Variants in NTSR2 observed in about 807,000 individuals in gnomAD.
The protein encoded by NTSR2 is neurotensin receptor type 2.
Under a neutral mutation model 24.1 loss-of-function variants are expected in NTSR2, and 22 were observed. That is an observed-to-expected ratio of 0.91 (90% CI 0.65 to 1.30). The LOEUF (loss-of-function observed/expected upper bound fraction) is 1.30. Ranked by LOEUF, NTSR2 falls within the 50% of genes most tolerant of loss-of-function variation. NTSR2 has a pLI of 0.00. For missense variants in NTSR2, 570 were observed against 570.4 expected, an observed-to-expected ratio of 1.00 and a Z score of 0.01; for synonymous variants, 291 against 267.0, an observed-to-expected ratio of 1.09 and a Z score of -0.88.
intron 1 of NTSR2, 48 bp downstream of exon 1, chr2:11,669,458 C>CCGGGGGGGGGGGGGGGGGGGGGGG: frequency 3.1e-6 from 1 of 323,366 alleles, no homozygotes; most frequent in Non-Finnish European, 5.5e-6. Context: ...CCTCCCAGCA[C>CCGGGGGGGGGGGGGGGGGGGGGGG]CGCCCCCCCA....
chr2:11,664,287 T>C (rs1661146704), intron 1 of NTSR2, among the ~76,000 whole-genome samples: 1 of 152,112 alleles, frequency 6.6e-6, no homozygotes, highest in Non-Finnish European at 1.5e-5. Flanking sequence ...TGGCTAATTT[T>C]TGTATTTTGT....
In NTSR2 at chr2:11,669,669, C is replaced by A; in HGVS notation, c.461G>T (p.Trp154Leu). 6.5e-7 allele frequency: 1 copy of A among 1,542,756 alleles called. No individual in the cohort carries two copies. Among genetic ancestry groups the A allele is most frequent in the Admixed American group, 1.9e-5 (1 of 52,468 alleles). ...RSLLTPRRTRWLVALSWAASL... is the reference protein window; with the variant it reads ...RSLLTPRRTRLLVALSWAASL... ...GGCGGCCCACGAGAGCGCCACCAGC[C>A]ACCGGGTCCGGCGTGGCGTCAGCAG... Residue 154 changes from tryptophan (W) to leucine (L), a missense_variant, in exon 1 of 4, where the codon TGG becomes TTG. Trp to Leu is a moderately conservative substitution (Grantham distance 61). Transcript: ENST00000306928.
In NTSR2 at chr2:11,669,942, C is replaced by A; in HGVS notation, c.188G>T (p.Gly63Val). 6.6e-7 allele frequency: 1 copy of A among 1,512,988 alleles called. No individual in the cohort carries two copies. The highest frequency in any genetic ancestry group is 2.2e-5 in the Admixed American group (1 of 45,958). 93.7% of individuals were successfully genotyped at this position (1,512,988 alleles called of 1,614,324 possible). Residue 63 changes from glycine to valine, a missense_variant, in exon 1 of 4, where the codon GGG becomes GTG. Coordinates refer to ENST00000306928, the MANE Select transcript of NTSR2 (RefSeq NM_012344.4). ...GTGGTGGCGCAGGCGCCCCGCGCGC[C>A]CGGCCCGCGCCTTCAGCACCACGTG... is the stretch of plus-strand genomic sequence containing the variant. ...SAHVVLKARA[G>V]RAGRLRHHVL...
chr2:11,669,448 C>T, intron 1 of NTSR2, 58 bp downstream of exon 1: 2 of 413,254 alleles, frequency 4.8e-6, no homozygotes. Flanking sequence ...GGGGTTCCCT[C>T]CTCCCAGCAC....
Position 11,658,210 on chromosome 2 carries a change from AC to A in NTSR2, c.*268del, listed in dbSNP as rs1660965576. ...AGCAAAAATTTATTGAGCATCTACT[AC>A]GCACCAGGTTCTGTGCTAAGCACTT... On this transcript the variant is annotated 3_prime_UTR_variant, in exon 4 of 4. Coordinates refer to ENST00000306928, the MANE Select transcript of NTSR2 (RefSeq NM_012344.4). 5.6e-6 allele frequency: 2 copies of A among 356,854 alleles called. No individual in the cohort carries two copies. The highest frequency in any genetic ancestry group is 1.0e-5 in the Non-Finnish European group (2 of 199,068). The allele number at this position is 356,854 out of a possible 1,614,324, so 22.1% of individuals were successfully genotyped here.
At chr2:11,667,396 G>C (rs560181397) in intron 1 of NTSR2, among the ~76,000 whole-genome samples, 7 of 152,050 alleles carry the variant, frequency 4.6e-5, no homozygotes, top group African/African-American at 1.7e-4. Context: ...ACCCCCGCTG[G>C]AGTGCAGTGA....
chr2:11,669,441 G>T lies in NTSR2; in HGVS notation c.624+65C>A, dbSNP rs956679493. 6.7e-6 allele frequency: 6 copies of T among 898,976 alleles called. No individual in the cohort carries two copies. The African/African-American group carries it at 1.0e-4, about 15-fold the overall frequency. The allele number at this position is 898,976 out of a possible 1,614,324, so 55.7% of individuals were successfully genotyped here. A position where few individuals can be genotyped will look rare whatever the true frequency, so the allele number is the denominator to read the frequency against. On this transcript the variant is annotated intron_variant, in intron 1 of 3. Coordinates refer to ENST00000306928, the MANE Select transcript of NTSR2 (RefSeq NM_012344.4). ...AATGTCTGTTCCCCGGGGAGAGGGG[G>T]TTCCCTCCTCCCAGCACCGCCCCCC... is the stretch of plus-strand genomic sequence containing the variant.
chr2:11,667,373 G>T (rs1418383380), intron 1 of NTSR2, among the ~76,000 whole-genome samples: 1 of 152,098 alleles, frequency 6.6e-6, no homozygotes, highest in Non-Finnish European at 1.5e-5. Context: ...TTGAGACAGG[G>T]TCTTGCTCTG....
intron 1 of NTSR2, among the ~76,000 whole-genome samples, chr2:11,663,049 C>A (rs1324609321): frequency 1.3e-5 from 2 of 152,188 alleles, no homozygotes; most frequent in South Asian, 2.1e-4. Flanking sequence ...CAGTGCTTTA[C>A]AATTTGTGAG....
chr2:11,669,646 C>A lies in NTSR2; in HGVS notation c.484G>T (p.Ala162Ser). ...ATGGGCAGGGCGAGGCCGAGCGAGGCGGCCCACGAGAGCGCCACCAGCCAC... is the reference window on the plus strand; with the variant it reads ...ATGGGCAGGGCGAGGCCGAGCGAGGAGGCCCACGAGAGCGCCACCAGCCAC... ...TRWLVALSWA[A>S]SLGLALPMAV... The change falls in exon 1 of 4, where the codon GCC becomes TCC. Residue 162 changes from alanine (A) to serine (S), a missense_variant. By Grantham distance (99) the Ala-to-Ser change is moderately conservative. Coordinates refer to ENST00000306928, the MANE Select transcript of NTSR2 (RefSeq NM_012344.4). 2 of 1,557,180 alleles carry A rather than the reference C, an allele frequency of 1.3e-6. No homozygotes were observed. Among genetic ancestry groups the A allele is most frequent in the East Asian group, 4.7e-5 (2 of 42,276 alleles).
intron 2 of NTSR2, among the ~76,000 whole-genome samples, chr2:11,661,144 C>G (rs1661062888): frequency 6.6e-6 from 1 of 152,214 alleles, no homozygotes. Context: ...GGCCCCGCGG[C>G]TTGCATTTTA....
At chr2:11,666,954 A>G (rs1314773741) in intron 1 of NTSR2, among the ~76,000 whole-genome samples, 1 of 151,668 alleles carries the variant, frequency 6.6e-6, no homozygotes, top group Non-Finnish European at 1.5e-5. Flanking sequence ...AAAAGGCAGG[A>G]AAGGAAAGAA....
intron 3 of NTSR2, 120 bp from the exon 4 acceptor site, chr2:11,658,842 A>C (rs1386619679): frequency 1.7e-6 from 2 of 1,154,836 alleles, no homozygotes; most frequent in African/African-American, 3.1e-5. Context: ...TTCTGCTATC[A>C]GGAAGCACAG....
intron 1 of NTSR2, among the ~76,000 whole-genome samples, chr2:11,665,065 T>G (rs79082713): frequency 3.0e-3 from 392 of 132,576 alleles, no homozygotes; most frequent in African/African-American, 7.1e-3. Context: ...GTTTTTTTTT[T>G]TTTTTTTTTT....
chr2:11,669,943 C>T lies in NTSR2; in HGVS notation c.187G>A (p.Gly63Arg). 1.3e-6 allele frequency: 2 copies of T among 1,513,034 alleles called. No homozygotes were observed. The highest frequency in any genetic ancestry group is 1.8e-6 in the Non-Finnish European group (2 of 1,137,576). 93.7% of individuals were successfully genotyped at this position (1,513,034 alleles called of 1,614,324 possible). Residue 63 changes from glycine to arginine, a missense_variant, in exon 1 of 4, where the codon GGG becomes AGG. By Grantham distance (125) the Gly-to-Arg change is moderately radical (BLOSUM62 -2). Transcript: ENST00000306928. ...SAHVVLKARA[G>R]RAGRLRHHVL... ...TGGTGGCGCAGGCGCCCCGCGCGCC[C>T]GGCCCGCGCCTTCAGCACCACGTGC...
At chr2:11,668,346 T>C (rs1285254490) in intron 1 of NTSR2, among the ~76,000 whole-genome samples, 1 of 152,076 alleles carries the variant, frequency 6.6e-6, no homozygotes. Flanking sequence ...AGAGGGGACT[T>C]TAGCGAGGGC....
chr2:11,669,459 C>CGGGGGGGGGGGGGGGGGGGGGG lies in NTSR2; in HGVS notation c.624+46_624+47insCCCCCCCCCCCCCCCCCCCCCC. 1.3e-4 allele frequency: 44 copies of CGGGGGGGGGGGGGGGGGGGGGG among 337,884 alleles called. 1 individual carries two copies. Among genetic ancestry groups the CGGGGGGGGGGGGGGGGGGGGGG allele is most frequent in the Middle Eastern group, 7.6e-4 (1 of 1,320 alleles). The allele number at this position is 337,884 out of a possible 1,614,324, so 20.9% of individuals were successfully genotyped here. ...AGAGGGGGTTCCCTCCTCCCAGCAC[C>CGGGGGGGGGGGGGGGGGGGGGG]GCCCCCCCACCCCCCCTCCCCCGAC... On this transcript the variant is annotated intron_variant, in intron 1 of 3. Coordinates refer to ENST00000306928, the MANE Select transcript of NTSR2 (RefSeq NM_012344.4).
At chr2:11,663,784 A>G (rs1265857127) in intron 1 of NTSR2, among the ~76,000 whole-genome samples, 1 of 151,918 alleles carries the variant, frequency 6.6e-6, no homozygotes, top group Non-Finnish European at 1.5e-5. Flanking sequence ...CTGTAGATAT[A>G]AGACAGTGGA....
chr2:11,670,071 T>C lies in NTSR2; in HGVS notation c.59A>G (p.Asp20Gly). Residue 20 changes from aspartate (D) to glycine (G), a missense_variant, in exon 1 of 4, where the codon GAC (aspartate) becomes GGC (glycine). Physicochemically the swap from Asp to Gly is moderately conservative, Grantham distance 94. Transcript: ENST00000306928. ...GCGAGTGTCCACGCCCAGCCGGGCG[T>C]CCAGGCTCAGCCCCGGGTTGGAGCT... ...RPSSNPGLSL[D>G]ARLGVDTRLW... 6.9e-7 allele frequency: 1 copy of C among 1,459,310 alleles called. No homozygotes were observed. The highest frequency in any genetic ancestry group is 9.0e-7 in the Non-Finnish European group (1 of 1,113,374). The allele number at this position is 1,459,310 out of a possible 1,614,324, so 90.4% of individuals were successfully genotyped here. A position where few individuals can be genotyped will look rare whatever the true frequency, so the allele number is the denominator to read the frequency against.
Sources: gnomAD v4.1 joint callset for allele counts (sites outside exome capture counted in the v4.1 genomes callset) on GRCh38, gnomAD v4.1.1 for gene constraint, MANE v1.5 for transcripts, NCBI Gene and HGNC (gene_info 2026-07-23, HGNC 2026-07-21) for gene names.